The following RNF115 variants were observed in gnomAD, a reference collection of about 807,000 sequenced individuals.
The protein encoded by RNF115 is E3 ubiquitin-protein ligase RNF115.
In RNF115, 31 loss-of-function variants were observed where a neutral mutation model predicts 39.2. The observed-to-expected ratio is 0.79, with a 90% CI of 0.59 to 1.07. RNF115 has a LOEUF of 1.07. RNF115 is among the 50% of genes least tolerant of loss of function. The probability of loss-of-function intolerance (pLI) is 0.00; values close to 1 mark genes in which losing one functional copy is unlikely to be tolerated. For synonymous variants in RNF115, 124 were observed against 131.0 expected (o/e 0.95, Z 0.37); for missense variants, 384 against 381.7 (o/e 1.01, Z -0.05).
intron 1 of RNF115, among the ~76,000 whole-genome samples, chr1:145,791,901 AT>A (rs1648686310): frequency 6.6e-6 from 1 of 151,722 alleles, no homozygotes; most frequent in African/African-American, 2.4e-5. Flanking sequence ...ATTTTCAACC[AT>A]TTTGTTTCTT....
At chr1:145,823,147 T>C (rs2770181) in intron 1 of RNF115, among the ~76,000 whole-genome samples, 4,763 of 66,180 alleles carry the variant, frequency 0.072, 200 homozygotes, top group Middle Eastern at 0.12. Context: ...CCTTCAACAG[T>C]GATAGGAGTG....
chr1:145,759,505 A>G (rs1462959137), intron 4 of RNF115, among the ~76,000 whole-genome samples: 2 of 152,154 alleles, frequency 1.3e-5, no homozygotes, highest in Non-Finnish European at 2.9e-5. Flanking sequence ...ATCTGTCAGT[A>G]ACTCCTATCA....
At chr1:145,813,532 C>A (rs1289108083) in intron 1 of RNF115, among the ~76,000 whole-genome samples, 1 of 152,098 alleles carries the variant, frequency 6.6e-6, no homozygotes, top group Non-Finnish European at 1.5e-5. Context: ...TATAAGTTGC[C>A]CTTACAGTAT....
chr1:145,788,735 C>T, intron 2 of RNF115, 173 bp downstream of exon 2: 1 of 702,240 alleles, frequency 1.4e-6, no homozygotes. Context: ...TCTTTTTCCT[C>T]TCCCATTCTT....
At chr1:145,766,758 C>T (rs1469865970) in intron 4 of RNF115, among the ~76,000 whole-genome samples, 17 of 81,292 alleles carry the variant, frequency 2.1e-4, no homozygotes, top group Non-Finnish European at 3.3e-4. Flanking sequence ...CGGGCAGAGG[C>T]GCCCCTCACC....
chr1:145,764,597 C>T (rs1322105303), intron 4 of RNF115, among the ~76,000 whole-genome samples: 5 of 150,138 alleles, frequency 3.3e-5, no homozygotes, highest in East Asian at 2.0e-4. Flanking sequence ...GGATCCCCTC[C>T]GCCCGGCAGC....
intron 4 of RNF115, among the ~76,000 whole-genome samples, chr1:145,768,735 C>T (rs1207306839): frequency 6.6e-6 from 1 of 152,208 alleles, no homozygotes; most frequent in Non-Finnish European, 1.5e-5. Flanking sequence ...GAGGACAAAA[C>T]TGTTATCAGG....
chr1:145,750,240 C>T (rs1363697639), intron 7 of RNF115, among the ~76,000 whole-genome samples, 167 bp downstream of exon 7: 1 of 152,128 alleles, frequency 6.6e-6, no homozygotes, highest in Non-Finnish European at 1.5e-5. Flanking sequence ...TTTTAGAGGG[C>T]TATAGCTTCA....
chr1:145,755,258 C>T (rs1571711328), intron 4 of RNF115, among the ~76,000 whole-genome samples: 2 of 147,876 alleles, frequency 1.4e-5, no homozygotes, highest in South Asian at 4.3e-4. Context: ...AGGTGGGGGG[C>T]GGGGGGCAGT....
intron 1 of RNF115, among the ~76,000 whole-genome samples, chr1:145,815,700 T>TA (rs782584578): frequency 1.3e-5 from 2 of 151,276 alleles, no homozygotes; most frequent in East Asian, 3.9e-4. Context: ...TTGAAAATAA[T>TA]AATCTGAAGT....
chr1:145,760,926 A>G (rs1658477821), intron 4 of RNF115, among the ~76,000 whole-genome samples: 1 of 152,232 alleles, frequency 6.6e-6, no homozygotes, highest in South Asian at 2.1e-4. Flanking sequence ...TGATATGGAC[A>G]ATAAGGTCCA....
At chr1:145,756,630 A>C (rs1658303832) in intron 4 of RNF115, among the ~76,000 whole-genome samples, 1 of 152,136 alleles carries the variant, frequency 6.6e-6, no homozygotes, top group Non-Finnish European at 1.5e-5. Context: ...TTATTCGTTC[A>C]CTGATGTGGG....
chr1:145,819,131 A>T (rs1230941797), intron 1 of RNF115, among the ~76,000 whole-genome samples: 1 of 149,822 alleles, frequency 6.7e-6, no homozygotes, highest in Non-Finnish European at 1.5e-5. Flanking sequence ...CGAGTTCCAA[A>T]ATTGAATCAG....
intron 3 of RNF115, 88 bp downstream of exon 3, chr1:145,784,451 G>T: frequency 8.6e-7 from 1 of 1,165,304 alleles, no homozygotes; most frequent in Non-Finnish European, 1.3e-6. Context: ...AAACTCTGAT[G>T]TTGTGCCACA....
chr1:145,802,295 G>A (rs1649284865), intron 1 of RNF115, among the ~76,000 whole-genome samples: 2 of 152,128 alleles, frequency 1.3e-5, no homozygotes, highest in African/African-American at 4.8e-5. Context: ...GCATAGCTTA[G>A]CCCTGATGCT....
intron 1 of RNF115, among the ~76,000 whole-genome samples, chr1:145,811,883 C>A (rs1175677894): frequency 2.2e-4 from 8 of 35,856 alleles, no homozygotes; most frequent in South Asian, 2.3e-3. Flanking sequence ...TTCTGTCTCA[C>A]AAAAAAAAAA....
intron 4 of RNF115, among the ~76,000 whole-genome samples, chr1:145,759,774 C>T (rs764054800): frequency 6.6e-6 from 1 of 152,098 alleles, no homozygotes; most frequent in Non-Finnish European, 1.5e-5. Context: ...TAATCTAATA[C>T]CCACCTCCCC....
intron 1 of RNF115, among the ~76,000 whole-genome samples, chr1:145,799,551 C>G (rs987187667): frequency 5.0e-5 from 6 of 120,636 alleles, no homozygotes; most frequent in African/African-American, 1.6e-4. Context: ...AGGGGGAAAG[C>G]TTTCGGTCTT....
intron 1 of RNF115, among the ~76,000 whole-genome samples, chr1:145,801,354 A>C (rs1553720874): frequency 1.3e-5 from 2 of 152,114 alleles, no homozygotes; most frequent in Non-Finnish European, 2.9e-5. Context: ...GGATCACTTG[A>C]GGCCAGGAGT....
Sources: gnomAD v4.1 joint callset for allele counts (sites outside exome capture counted in the v4.1 genomes callset) on GRCh38, gnomAD v4.1.1 for gene constraint, MANE v1.5 for transcripts, NCBI Gene and HGNC (gene_info 2026-07-23, HGNC 2026-07-21) for gene names.